DNM3: variants seen among roughly 807,000 people sequenced by gnomAD.
The protein encoded by DNM3 is dynamin 3.
In DNM3, 47 loss-of-function variants were observed where a neutral mutation model predicts 101.6. The observed-to-expected ratio is 0.46, with a 90% CI of 0.37 to 0.59. The LOEUF (loss-of-function observed/expected upper bound fraction) is 0.59. DNM3 is among the 20% of genes least tolerant of loss of function. The pLI, the probability that DNM3 is intolerant of heterozygous loss-of-function variation, is 0.00. For synonymous variants in DNM3, 385 were observed against 387.9 expected (o/e 0.99, Z 0.09); for missense variants, 849 against 1,085.7 (o/e 0.78, Z 3.06).
At chr1:172,299,909 G>A (rs1277734551) in intron 15 of DNM3, among the ~76,000 whole-genome samples, 1 of 152,152 alleles carries the variant, frequency 6.6e-6, no homozygotes, top group Admixed American at 6.5e-5. Context: ...CCCAGTAATG[G>A]AATTGCTGGG....
At chr1:171,959,963 T>C (rs2043110962) in intron 2 of DNM3, among the ~76,000 whole-genome samples, 1 of 152,054 alleles carries the variant, frequency 6.6e-6, no homozygotes, top group Admixed American at 6.6e-5. Flanking sequence ...ATATGAGTGT[T>C]CTGGGGTGAA....
chr1:172,279,137 A>G (rs2063394714), intron 15 of DNM3, among the ~76,000 whole-genome samples: 1 of 152,170 alleles, frequency 6.6e-6, no homozygotes, highest in East Asian at 1.9e-4. Context: ...GCTTGAGAAT[A>G]ATTAATTTAT....
At chr1:172,051,731 T>A (rs944020013) in intron 10 of DNM3, among the ~76,000 whole-genome samples, 13 of 152,208 alleles carry the variant, frequency 8.5e-5, no homozygotes, top group Non-Finnish European at 7.3e-5. Context: ...GGGAGCCTCC[T>A]GTTATTTCCC....
rs72719057 is a variant in DNM3 at position 172,054,415 on chromosome 1, C to G, written c.1335+5665C>G. On this transcript the variant is annotated intron_variant, in intron 10 of 20. Transcript: ENST00000627582. The stretch of plus-strand genomic sequence containing the variant: ...TTTGAAATTATTTTGGTGGGCATCT[C>G]TTTTCAGCTGCTTTCCTTTACCTCC... Among the ~76,000 whole-genome samples the G allele has an allele frequency of 2.7e-3, 414 of 152,294 alleles. 1 individual carries two copies. The highest frequency in any genetic ancestry group is 5.0e-3 in the Non-Finnish European group (340 of 68,018).
intron 2 of DNM3, among the ~76,000 whole-genome samples, chr1:171,959,607 A>G (rs2043081428): frequency 6.6e-6 from 1 of 152,206 alleles, no homozygotes; most frequent in African/African-American, 2.4e-5. Context: ...AATTAAAAAC[A>G]ACAACAACAA....
intron 10 of DNM3, among the ~76,000 whole-genome samples, chr1:172,058,980 C>G (rs1304589500): frequency 1.3e-5 from 2 of 152,020 alleles, no homozygotes; most frequent in Non-Finnish European, 2.9e-5. Flanking sequence ...AAAGAAGAAT[C>G]AAATAGACGC....
chr1:171,951,973 G>T (rs569597035), intron 2 of DNM3, among the ~76,000 whole-genome samples: 37 of 152,284 alleles, frequency 2.4e-4, no homozygotes, highest in African/African-American at 8.7e-4. Context: ...GGTGTTACAG[G>T]TCATAGGTAG....
At chr1:172,036,722 G>T (rs2048993384) in intron 6 of DNM3, among the ~76,000 whole-genome samples, 2 of 152,090 alleles carry the variant, frequency 1.3e-5, no homozygotes, top group Admixed American at 1.3e-4. Flanking sequence ...TACCATTCAG[G>T]ACATAGGCAT....
intron 11 of DNM3, among the ~76,000 whole-genome samples, chr1:172,080,668 G>C (rs535075753): frequency 6.6e-6 from 1 of 152,238 alleles, no homozygotes; most frequent in South Asian, 2.1e-4. Flanking sequence ...GTGCCACTGG[G>C]GTATGGAAAA....
chr1:172,023,584 T>C (rs959035660), intron 4 of DNM3, among the ~76,000 whole-genome samples: 4 of 152,150 alleles, frequency 2.6e-5, no homozygotes, highest in Non-Finnish European at 5.9e-5. Flanking sequence ...AACTTTTTAG[T>C]ATCTTTTATC....
intron 13 of DNM3, among the ~76,000 whole-genome samples, chr1:172,103,128 C>T (rs1452804054): frequency 6.6e-6 from 1 of 152,150 alleles, no homozygotes; most frequent in African/African-American, 2.4e-5. Flanking sequence ...CAATCCCACT[C>T]ACCTCCATAG....
At chr1:171,999,680 A>G (rs2046240481) in intron 4 of DNM3, among the ~76,000 whole-genome samples, 1 of 152,106 alleles carries the variant, frequency 6.6e-6, no homozygotes, top group Admixed American at 6.6e-5. Flanking sequence ...GTCTTTGCAG[A>G]TGTTTTTAAG....
intron 15 of DNM3, among the ~76,000 whole-genome samples, chr1:172,304,213 A>AAAAAAAAAAACAAAAAAAAC (rs1553227989): frequency 7.5e-6 from 1 of 133,510 alleles, no homozygotes; most frequent in African/African-American, 3.3e-5. Context: ...AAGCAAAAAA[A>AAAAAAAAAAACAAAAAAAAC]AAAAAAAAAC....
intron 14 of DNM3, among the ~76,000 whole-genome samples, chr1:172,191,321 A>G (rs1572890110): frequency 6.6e-6 from 1 of 151,924 alleles, no homozygotes; most frequent in African/African-American, 2.4e-5. Context: ...AGATCAGATG[A>G]TTGTAGATAT....
intron 17 of DNM3, among the ~76,000 whole-genome samples, chr1:172,343,941 C>T (rs2066810437): frequency 6.6e-6 from 1 of 152,180 alleles, no homozygotes; most frequent in African/African-American, 2.4e-5. Context: ...CCCCATGAGT[C>T]ACTGACCAAG....
At chr1:171,994,308 A>G (rs1189702079) in intron 4 of DNM3, among the ~76,000 whole-genome samples, 2 of 152,036 alleles carry the variant, frequency 1.3e-5, no homozygotes, top group African/African-American at 4.8e-5. Context: ...ATTTTCATGA[A>G]CCAATTCTGC....
At chr1:172,058,619 C>T (rs555211536) in intron 10 of DNM3, among the ~76,000 whole-genome samples, 1 of 152,176 alleles carries the variant, frequency 6.6e-6, no homozygotes, top group East Asian at 1.9e-4. Context: ...GAAATGAAGG[C>T]AGAAATAAAG....
chr1:171,987,554 A>G (rs2045347233), intron 2 of DNM3, 102 bp from the exon 3 acceptor site: 9 of 1,211,942 alleles, frequency 7.4e-6, no homozygotes, highest in African/African-American at 1.6e-5. Flanking sequence ...TGAAGGAAGA[A>G]GAGAGAATAT....
At chr1:172,059,967 C>A (rs2051026414) in intron 10 of DNM3, among the ~76,000 whole-genome samples, 1 of 149,324 alleles carries the variant, frequency 6.7e-6, no homozygotes, top group African/African-American at 2.5e-5. Context: ...AGCCCAAAAT[C>A]TCCTTAAGCT....
Sources: gnomAD v4.1 joint callset for allele counts (sites outside exome capture counted in the v4.1 genomes callset) on GRCh38, gnomAD v4.1.1 for gene constraint, MANE v1.5 for transcripts, NCBI Gene and HGNC (gene_info 2026-07-23, HGNC 2026-07-21) for gene names.